ITGA8: variants seen among roughly 807,000 people sequenced by gnomAD.
ITGA8 encodes integrin alpha-8.
ITGA8 carries 91 observed loss-of-function variants against 142.3 expected under a neutral mutation model. That is an observed-to-expected ratio of 0.64 (90% CI 0.54 to 0.76). The LOEUF (loss-of-function observed/expected upper bound fraction) is 0.76, where lower values mean the gene tolerates loss of function less well. Ranked by LOEUF, ITGA8 falls within the 30% of genes least tolerant of loss-of-function variation. ITGA8 has a pLI of 0.00. For missense variants in ITGA8, 1,406 were observed against 1,327.7 expected (o/e 1.06, Z -0.92); for synonymous variants, 505 against 485.2 (o/e 1.04, Z -0.54).
At chr10:15,651,298 A>G (rs1834080848) in intron 11 of ITGA8, among the ~76,000 whole-genome samples, 1 of 152,178 alleles carries the variant, frequency 6.6e-6, no homozygotes, top group Admixed American at 6.5e-5. Context: ...GCTTACATTG[A>G]CGGAGTTTGT....
At chr10:15,572,058 G>C in intron 25 of ITGA8, among the ~76,000 whole-genome samples, 153 bp downstream of exon 25, 1 of 152,182 alleles carries the variant, frequency 6.6e-6, no homozygotes, top group East Asian at 1.9e-4. Context: ...AATTAGGCTT[G>C]GTGTTTTAAC....
chr10:15,694,603 ATATAG>A (rs1284746911), intron 2 of ITGA8, among the ~76,000 whole-genome samples: 1 of 137,868 alleles, frequency 7.3e-6, no homozygotes, highest in Non-Finnish European at 1.5e-5. Flanking sequence ...TGGATATATA[ATATAG>A]TAAATATATT....
chr10:15,713,426 C>T (rs1021607688), intron 2 of ITGA8, among the ~76,000 whole-genome samples: 1 of 152,154 alleles, frequency 6.6e-6, no homozygotes, highest in Non-Finnish European at 1.5e-5. Context: ...CCGTCTTCCC[C>T]CACCTTTGTA....
chr10:15,617,726 C>A (rs1833420762), intron 13 of ITGA8, among the ~76,000 whole-genome samples: 1 of 152,130 alleles, frequency 6.6e-6, no homozygotes, highest in Non-Finnish European at 1.5e-5. Flanking sequence ...TTTACAGTGG[C>A]TGTCCCTAGT....
intron 27 of ITGA8, among the ~76,000 whole-genome samples, chr10:15,544,915 T>C (rs1262498924): frequency 6.6e-6 from 1 of 152,136 alleles, no homozygotes; most frequent in African/African-American, 2.4e-5. Context: ...GGCCACGTGG[T>C]AAGGCCTGCT....
At chr10:15,549,659 T>C (rs1281714207) in intron 26 of ITGA8, among the ~76,000 whole-genome samples, 1 of 152,232 alleles carries the variant, frequency 6.6e-6, no homozygotes, top group Non-Finnish European at 1.5e-5. Flanking sequence ...GTATTCATTT[T>C]TCATATCTCA....
chr10:15,660,717 G>C (rs1834268977), intron 9 of ITGA8, among the ~76,000 whole-genome samples, 162 bp downstream of exon 9: 1 of 152,134 alleles, frequency 6.6e-6, no homozygotes, highest in East Asian at 1.9e-4. Flanking sequence ...GCATGTTTAA[G>C]GTAGGTTAGG....
intron 2 of ITGA8, among the ~76,000 whole-genome samples, chr10:15,706,158 A>G (rs951788579): frequency 6.6e-6 from 1 of 152,128 alleles, no homozygotes; most frequent in Non-Finnish European, 1.5e-5. Context: ...TGGGTATTTC[A>G]TCTAAGACAT....
In ITGA8 at chr10:15,623,304, C is replaced by A. The variant is rs1180421131; in HGVS notation, c.1400-6745G>T. Among the ~76,000 whole-genome samples the A allele has an allele frequency of 2.0e-5, 3 of 152,266 alleles. No homozygotes were observed. The East Asian group carries it at 5.8e-4, about 29-fold the overall frequency. On this transcript the variant is annotated intron_variant, in intron 13 of 29. Transcript: ENST00000378076. ...AAGTTTAAACCCAGGCAGTCTGGCT[C>A]CTGAACCCACACTGGGCTCCTTTTT...
At chr10:15,629,195 A>G (rs1363071164) in intron 13 of ITGA8, among the ~76,000 whole-genome samples, 2 of 152,026 alleles carry the variant, frequency 1.3e-5, no homozygotes, top group Non-Finnish European at 2.9e-5. Context: ...AAGTCTAGCT[A>G]GGAACTGGGT....
chr10:15,551,285 G>A (rs551826765), intron 26 of ITGA8, among the ~76,000 whole-genome samples: 3 of 151,682 alleles, frequency 2.0e-5, no homozygotes, highest in South Asian at 2.1e-4. Flanking sequence ...GGGCTGGGAT[G>A]GAATCCTGGG....
chr10:15,662,492 C>T (rs914932952), intron 8 of ITGA8, among the ~76,000 whole-genome samples: 1 of 151,962 alleles, frequency 6.6e-6, no homozygotes, highest in Admixed American at 6.6e-5. Flanking sequence ...GTACATGCCA[C>T]TGTGCCTGGC....
At chr10:15,570,610 C>CAAAAA (rs931457896) in intron 25 of ITGA8, among the ~76,000 whole-genome samples, 7 of 39,944 alleles carry the variant, frequency 1.8e-4, no homozygotes, top group Admixed American at 2.6e-4. Flanking sequence ...AACTCCATCT[C>CAAAAA]AAAAAAAAAA....
At chr10:15,676,676 G>C (rs1347470022) in intron 6 of ITGA8, among the ~76,000 whole-genome samples, 1 of 152,164 alleles carries the variant, frequency 6.6e-6, no homozygotes, top group African/African-American at 2.4e-5. Flanking sequence ...ATGGAGAAAT[G>C]AATTGTTAAG....
At chr10:15,703,507 G>A (rs1025815083) in intron 2 of ITGA8, among the ~76,000 whole-genome samples, 1 of 152,322 alleles carries the variant, frequency 6.6e-6, no homozygotes, top group African/African-American at 2.4e-5. Flanking sequence ...TAATGCAAGG[G>A]AAATTGGGAG....
At chr10:15,517,388 G>C in intron 29 of ITGA8, 144 bp from the exon 30 acceptor site, 1 of 490,730 alleles carries the variant, frequency 2.0e-6, no homozygotes, top group Non-Finnish European at 3.6e-6. Flanking sequence ...ACAGTGGCGT[G>C]ATCTTGGCTC....
At chr10:15,640,007 T>G (rs1286414853) in intron 13 of ITGA8, among the ~76,000 whole-genome samples, 1 of 152,096 alleles carries the variant, frequency 6.6e-6, no homozygotes, top group African/African-American at 2.4e-5. Flanking sequence ...TTCAAGAGGC[T>G]GAAAAACAGC....
chr10:15,658,444 C>T (rs1427569606), intron 10 of ITGA8, among the ~76,000 whole-genome samples: 1 of 152,148 alleles, frequency 6.6e-6, no homozygotes, highest in Non-Finnish European at 1.5e-5. Flanking sequence ...CCATGAGTAG[C>T]CCCTGTCCCC....
At position 15,671,542 on chromosome 10, in the gene ITGA8, T is replaced by C. The variant is rs6602051; in HGVS notation, c.847+61A>G. 927,307 of 1,366,346 alleles carry C rather than the reference T, an allele frequency of 0.68. 316,834 individuals are homozygous for C. Among genetic ancestry groups the C allele is most frequent in the Middle Eastern group, 0.8 (4,458 of 5,542 alleles). 84.6% of individuals were successfully genotyped at this position (1,366,346 alleles called of 1,614,324 possible). A position where few individuals can be genotyped will look rare whatever the true frequency, so the allele number is the denominator to read the frequency against. On this transcript the variant is annotated intron_variant, in intron 8 of 29. Coordinates refer to ENST00000378076, the MANE Select transcript of ITGA8 (RefSeq NM_003638.3). ...AATCACATTGATAGAAAAAACTTTA[T>C]ATGCCATTTTACCATTTCCCCATGC...
Sources: allele counts gnomAD v4.1 joint callset (sites outside exome capture counted in the v4.1 genomes callset), GRCh38; gene constraint gnomAD v4.1.1; transcripts MANE v1.5; gene names NCBI Gene and HGNC (gene_info 2026-07-23, HGNC 2026-07-21).